The following PRDM5 variants were observed in gnomAD, a reference collection of about 807,000 sequenced individuals.
The protein encoded by PRDM5 is PR domain zinc finger protein 5.
Under a neutral mutation model 81.2 loss-of-function variants are expected in PRDM5, and 56 were observed. That is an observed-to-expected ratio of 0.69 (90% CI 0.56 to 0.86). The LOEUF is 0.86. PRDM5 is among the 40% of genes least tolerant of loss of function. PRDM5 has a pLI of 0.00. For synonymous variants in PRDM5, 267 were observed against 256.4 expected, an observed-to-expected ratio of 1.04 and a Z score of -0.39; for missense variants, 697 against 770.1, an observed-to-expected ratio of 0.91 and a Z score of 1.12.
chr4:120,775,938 G>C (rs970744826), intron 13 of PRDM5, among the ~76,000 whole-genome samples: 1 of 152,064 alleles, frequency 6.6e-6, no homozygotes, highest in African/African-American at 2.4e-5. Flanking sequence ...CTCTTCATTA[G>C]TTCCTTACTT....
intron 2 of PRDM5, among the ~76,000 whole-genome samples, chr4:120,876,295 G>T (rs35970620): frequency 2.0e-5 from 3 of 152,150 alleles, no homozygotes; most frequent in Non-Finnish European, 2.9e-5. Context: ...TCTTGCTGGA[G>T]ACTTCCCCAA....
intron 1 of PRDM5, among the ~76,000 whole-genome samples, chr4:120,915,753 C>A (rs1046172237): frequency 6.6e-6 from 1 of 152,160 alleles, no homozygotes; most frequent in African/African-American, 2.4e-5. Flanking sequence ...TGTTCACCCA[C>A]AAAAGACCAA....
chr4:120,838,601 T>C (rs1210315005), intron 3 of PRDM5: 2 of 152,230 alleles, frequency 1.3e-5, no homozygotes, highest in Non-Finnish European at 2.9e-5. Flanking sequence ...GGTTTTGGGA[T>C]AAAACTGTTC....
chr4:120,795,364 G>A (rs1751196962), intron 10 of PRDM5, among the ~76,000 whole-genome samples: 1 of 152,134 alleles, frequency 6.6e-6, no homozygotes, highest in South Asian at 2.1e-4. Context: ...AGGGTGAAGA[G>A]TAATTGAACG....
intron 2 of PRDM5, among the ~76,000 whole-genome samples, chr4:120,898,648 A>G (rs957164299): frequency 2.2e-4 from 33 of 152,142 alleles, no homozygotes; most frequent in African/African-American, 7.7e-4. Flanking sequence ...TAAACAAATT[A>G]TTTTTATATT....
At chr4:120,760,599 C>T (rs1188012614) in intron 13 of PRDM5, among the ~76,000 whole-genome samples, 1 of 152,056 alleles carries the variant, frequency 6.6e-6, no homozygotes, top group Non-Finnish European at 1.5e-5. Context: ...CACTGAATAA[C>T]ACTGAAAGCC....
intron 13 of PRDM5, among the ~76,000 whole-genome samples, chr4:120,760,746 G>C (rs533555231): frequency 6.6e-6 from 1 of 151,670 alleles, no homozygotes; most frequent in Non-Finnish European, 1.5e-5. Flanking sequence ...TCATTAAATA[G>C]ACTTTTTTTT....
chr4:120,749,714 C>T (rs1179531933), intron 14 of PRDM5, among the ~76,000 whole-genome samples: 1 of 152,290 alleles, frequency 6.6e-6, no homozygotes, highest in East Asian at 1.9e-4. Flanking sequence ...ACATGAAACT[C>T]GCAGGTGTTC....
intron 2 of PRDM5, among the ~76,000 whole-genome samples, chr4:120,891,415 T>C (rs1300702492): frequency 6.6e-6 from 1 of 152,168 alleles, no homozygotes; most frequent in African/African-American, 2.4e-5. Flanking sequence ...AATTTAAATC[T>C]TCTCCTTTTT....
chr4:120,789,982 A>G (rs1359378889), intron 10 of PRDM5, among the ~76,000 whole-genome samples: 1 of 152,178 alleles, frequency 6.6e-6, no homozygotes, highest in East Asian at 1.9e-4. Flanking sequence ...AGTCCCCACA[A>G]TCCTGATTAG....
At chr4:120,851,203 T>C (rs956601513) in intron 3 of PRDM5, among the ~76,000 whole-genome samples, 2 of 152,114 alleles carry the variant, frequency 1.3e-5, no homozygotes, top group Non-Finnish European at 1.5e-5. Context: ...AATCATTATT[T>C]ACACCTGAAA....
chr4:120,853,365 T>A, intron 3 of PRDM5, 53 bp downstream of exon 3: 1 of 1,611,662 alleles, frequency 6.2e-7, no homozygotes, highest in Non-Finnish European at 8.5e-7. Flanking sequence ...AGTCATATAT[T>A]AATTCATCCC....
At chr4:120,762,211 A>C (rs1745722410) in intron 13 of PRDM5, among the ~76,000 whole-genome samples, 1 of 152,158 alleles carries the variant, frequency 6.6e-6, no homozygotes, top group African/African-American at 2.4e-5. Flanking sequence ...AAATGGAATA[A>C]AGTCAAACTC....
At chr4:120,803,205 C>A (rs1752392006) in intron 8 of PRDM5, among the ~76,000 whole-genome samples, 1 of 152,048 alleles carries the variant, frequency 6.6e-6, no homozygotes, top group African/African-American at 2.4e-5. Flanking sequence ...TATGGGACTA[C>A]ATGAAAAGAC....
intron 3 of PRDM5, among the ~76,000 whole-genome samples, chr4:120,846,433 C>T (rs193077724): frequency 8.5e-5 from 13 of 152,312 alleles, no homozygotes; most frequent in Admixed American, 2.0e-4. Flanking sequence ...AGACACTTCA[C>T]CAGCAAAAAG....
chr4:120,889,091 C>T (rs1763776087), intron 2 of PRDM5, among the ~76,000 whole-genome samples: 1 of 152,052 alleles, frequency 6.6e-6, no homozygotes, highest in African/African-American at 2.4e-5. Flanking sequence ...ACCAATTTAT[C>T]ATTTTTCCAC....
chr4:120,824,551 T>C (rs1178585182), intron 3 of PRDM5, among the ~76,000 whole-genome samples: 3 of 152,220 alleles, frequency 2.0e-5, no homozygotes, highest in Non-Finnish European at 4.4e-5. Context: ...CATTATAATT[T>C]GAATACAACA....
chr4:120,716,545 A>C (rs1737774237), intron 14 of PRDM5, among the ~76,000 whole-genome samples: 1 of 152,196 alleles, frequency 6.6e-6, no homozygotes, highest in African/African-American at 2.4e-5. Context: ...GTATATCAAC[A>C]GGCAGCTGTG....
intron 14 of PRDM5, among the ~76,000 whole-genome samples, chr4:120,723,839 T>C (rs1436568160): frequency 6.6e-6 from 1 of 152,034 alleles, no homozygotes; most frequent in Non-Finnish European, 1.5e-5. Flanking sequence ...TCTTTTTCTC[T>C]TGTCATGTAT....
Sources: allele counts gnomAD v4.1 joint callset (sites outside exome capture counted in the v4.1 genomes callset), GRCh38; gene constraint gnomAD v4.1.1; transcripts MANE v1.5; gene names NCBI Gene and HGNC (gene_info 2026-07-23, HGNC 2026-07-21).